The following CAMSAP1 variants were observed in gnomAD, a reference collection of about 807,000 sequenced individuals.
CAMSAP1 encodes the protein calmodulin regulated spectrin associated protein 1, also known as calmodulin-regulated spectrin-associated protein 1.
CAMSAP1 carries 58 observed loss-of-function variants against 143.5 expected under a neutral mutation model. That is an observed-to-expected ratio of 0.40 (90% CI 0.33 to 0.50). CAMSAP1 has a LOEUF of 0.50. Ranked by LOEUF, CAMSAP1 falls within the 20% of genes least tolerant of loss-of-function variation. The pLI, the probability that CAMSAP1 is intolerant of heterozygous loss-of-function variation, is 0.45. For missense variants in CAMSAP1, 1,969 were observed against 2,115.7 expected (o/e 0.93, Z 1.36); for synonymous variants, 945 against 859.3 (o/e 1.10, Z -1.74).
intron 7 of CAMSAP1, among the ~76,000 whole-genome samples, chr9:135,848,509 AC>A (rs1836657959): frequency 6.6e-6 from 1 of 151,682 alleles, no homozygotes; most frequent in Non-Finnish European, 1.5e-5. Context: ...CCCCAGACAC[AC>A]ACACACACAC....
chr9:135,854,882 G>A (rs1297380580), intron 5 of CAMSAP1, among the ~76,000 whole-genome samples: 4 of 152,136 alleles, frequency 2.6e-5, no homozygotes, highest in African/African-American at 9.7e-5. Context: ...ATTAAGTCCA[G>A]TACCCAACAG....
chr9:135,873,285 A>C (rs1485340167), intron 3 of CAMSAP1, among the ~76,000 whole-genome samples: 1 of 152,210 alleles, frequency 6.6e-6, no homozygotes, highest in East Asian at 1.9e-4. Flanking sequence ...AGAATGATGA[A>C]AGACATGGCC....
Position 135,882,677 on chromosome 9 carries a change from G to T in CAMSAP1, c.423+139C>A. Reference sequence around the variant, plus strand: ...TTTAAAAGATATGCAGTTTCCTAAGGAACGCCAGTGTGCAAAAGCACGGGT... The same window carrying T: ...TTTAAAAGATATGCAGTTTCCTAAGTAACGCCAGTGTGCAAAAGCACGGGT... On this transcript the variant is annotated intron_variant, in intron 2 of 16. Transcript: ENST00000389532. The surrounding 1 kb of genome is among the most constrained non-coding windows in gnomAD (Gnocchi z 4.9). 1.1e-6 allele frequency: 1 copy of T among 920,746 alleles called. No homozygotes were observed. Among genetic ancestry groups the T allele is most frequent in the Non-Finnish European group, 1.6e-6 (1 of 627,362 alleles). 57.0% of individuals were successfully genotyped at this position (920,746 alleles called of 1,614,324 possible).
intron 4 of CAMSAP1, among the ~76,000 whole-genome samples, chr9:135,865,822 G>A (rs957578567): frequency 6.6e-6 from 1 of 152,186 alleles, no homozygotes; most frequent in Non-Finnish European, 1.5e-5. Context: ...CCACTGGAGG[G>A]GGAAGAAGGA....
chr9:135,834,821 T>TG (rs1835965212), intron 7 of CAMSAP1, among the ~76,000 whole-genome samples: 1 of 152,222 alleles, frequency 6.6e-6, no homozygotes, highest in Admixed American at 6.5e-5. Context: ...AGCTTGACCC[T>TG]GGTAACCAGT....
chr9:135,811,782 T>C lies in CAMSAP1; in HGVS notation c.4507-171A>G, dbSNP rs1456001513. On this transcript the variant is annotated intron_variant, in intron 16 of 16. Transcript: ENST00000389532. The surrounding 1 kb of genome is among the most constrained non-coding windows in gnomAD (Gnocchi z 4.9). ...TACAGCAGACCCCTGTACGGGAGCA[T>C]TATATGCCATTGAGACTTTACTTAA... Among the ~76,000 whole-genome samples, 1 of 152,160 alleles carries C rather than the reference T, an allele frequency of 6.6e-6. No homozygotes were observed. The highest frequency in any genetic ancestry group is 2.4e-5 in the African/African-American group (1 of 41,430).
chr9:135,895,123 A>G (rs1838403548), intron 1 of CAMSAP1, among the ~76,000 whole-genome samples: 1 of 152,224 alleles, frequency 6.6e-6, no homozygotes, highest in Admixed American at 6.5e-5. Context: ...GAGAATAACA[A>G]AAGATCCAAG....
Position 135,819,672 on chromosome 9 carries a change from TAAAAA to T in CAMSAP1, c.3823-531_3823-527del, listed in dbSNP as rs55894826. On this transcript the variant is annotated intron_variant, in intron 11 of 16. Transcript: ENST00000389532. ...GACATGGCGAAACCCTGTCTCCACTTAAAAAAAAAAAAAAAAAAAAAAAAATTAGC... is the reference window on the plus strand; with the variant it reads ...GACATGGCGAAACCCTGTCTCCACTTAAAAAAAAAAAAAAAAAAAATTAGC... Among the ~76,000 whole-genome samples the T allele has an allele frequency of 1.5e-4, 16 of 104,630 alleles. No individual in the cohort carries two copies. In the East Asian group the frequency reaches 2.8e-3, roughly 18 times the overall value. 68.6% of individuals were successfully genotyped at this position (104,630 alleles called of 152,430 possible). A position where few individuals can be genotyped will look rare whatever the true frequency, so the allele number is the denominator to read the frequency against.
chr9:135,881,697 G>A lies in CAMSAP1; in HGVS notation c.521C>T (p.Thr174Met), dbSNP rs1187560194. Residue 174 changes from threonine (T) to methionine (M), a missense_variant, in exon 3 of 17, where the codon ACG (threonine) becomes ATG (methionine). This residue lies in a region of CAMSAP1 where 221 missense variants were observed against 298.2 expected (regional missense o/e 0.74). Transcript: ENST00000389532. ...KVVASVKRFS[T>M]FSASKELPYD... ...CGGAAGTTCTTTCGAGGCACTGAACGTTGAGAAGCGCTTGACACTGGCCAC... is the reference window on the plus strand; with the variant it reads ...CGGAAGTTCTTTCGAGGCACTGAACATTGAGAAGCGCTTGACACTGGCCAC... 21 of 1,551,712 alleles carry A rather than the reference G, an allele frequency of 1.4e-5. No homozygotes were observed. The highest frequency in any genetic ancestry group is 2.4e-5 in the South Asian group (2 of 84,072).
At chr9:135,883,138 C>T (rs909630898) in intron 1 of CAMSAP1, 60 bp from the exon 2 acceptor site, 13 of 1,530,574 alleles carry the variant, frequency 8.5e-6, no homozygotes, top group Non-Finnish European at 1.1e-5. Flanking sequence ...GGAAGGAGTT[C>T]AAGGCTGCAG....
chr9:135,866,772 G>A (rs1452063334), intron 3 of CAMSAP1, among the ~76,000 whole-genome samples: 2 of 151,978 alleles, frequency 1.3e-5, no homozygotes, highest in Admixed American at 6.5e-5. Context: ...CAATGCCAGC[G>A]CAGTGCTCCC....
chr9:135,898,657 A>T (rs2131023104), intron 1 of CAMSAP1, among the ~76,000 whole-genome samples: 1 of 152,328 alleles, frequency 6.6e-6, no homozygotes, highest in Middle Eastern at 3.4e-3. Flanking sequence ...TGCATACAAA[A>T]ACCACGGTGA....
chr9:135,845,323 C>T lies in CAMSAP1; in HGVS notation c.1045+4814G>A, dbSNP rs1836512688. 4.6e-5 allele frequency among the ~76,000 whole-genome samples: 7 copies of T among 152,188 alleles called. No homozygotes were observed. In the South Asian group the frequency reaches 1.4e-3, roughly 32 times the overall value. ...CCTTCGATAAAATTCAACACCCCTT[C>T]ATACTAAAAACTCTCAATAAACTAG... On this transcript the variant is annotated intron_variant, in intron 7 of 16. Coordinates refer to ENST00000389532, the MANE Select transcript of CAMSAP1 (RefSeq NM_015447.4).
At chr9:135,885,658 T>C (rs898053198) in intron 1 of CAMSAP1, among the ~76,000 whole-genome samples, 12 of 152,224 alleles carry the variant, frequency 7.9e-5, no homozygotes, top group Non-Finnish European at 2.9e-5. Flanking sequence ...ACGTTTGCCA[T>C]AGGGTGACCC....
rs1187915668 is a variant in CAMSAP1, at chr9:135,883,217, T to A, written c.161-139A>T. 26 of 856,192 alleles carry A rather than the reference T, an allele frequency of 3.0e-5. 1 individual carries two copies. In the South Asian group the frequency reaches 4.5e-4, roughly 15 times the overall value. The allele number at this position is 856,192 out of a possible 1,614,324, so 53.0% of individuals were successfully genotyped here. A position where few individuals can be genotyped will look rare whatever the true frequency, so the allele number is the denominator to read the frequency against. Reference sequence around the variant, plus strand: ...GGAGACCAAGTGTCAAAAAAAATAATTGATTGATTGATTAAATGAGCAACT... The same window carrying A: ...GGAGACCAAGTGTCAAAAAAAATAAATGATTGATTGATTAAATGAGCAACT... On this transcript the variant is annotated intron_variant, in intron 1 of 16. Coordinates refer to ENST00000389532, the MANE Select transcript of CAMSAP1 (RefSeq NM_015447.4).
intron 3 of CAMSAP1, among the ~76,000 whole-genome samples, chr9:135,868,459 T>TA (rs1356381669): frequency 6.6e-6 from 1 of 152,090 alleles, no homozygotes; most frequent in Non-Finnish European, 1.5e-5. Flanking sequence ...TGTTTTTTTT[T>TA]AAATGAATGT....
intron 7 of CAMSAP1, among the ~76,000 whole-genome samples, chr9:135,843,751 G>T (rs1183275395): frequency 6.6e-6 from 1 of 151,762 alleles, no homozygotes; most frequent in Non-Finnish European, 1.5e-5. Context: ...GCGGGCACCT[G>T]TAGTCCCAGC....
In CAMSAP1 at chr9:135,874,490, G is replaced by C. The variant is rs566028482; in HGVS notation, c.585+7143C>G. On this transcript the variant is annotated intron_variant, in intron 3 of 16. Transcript: ENST00000389532. Reference sequence around the variant, plus strand: ...CCTGTCTCAAAAAAGGGGGGGGGGGGCCACAGGGGCCGGGAACTCCTAATA... The same window carrying C: ...CCTGTCTCAAAAAAGGGGGGGGGGGCCCACAGGGGCCGGGAACTCCTAATA... 6.9e-4 allele frequency among the ~76,000 whole-genome samples: 82 copies of C among 119,270 alleles called. 5 individuals are homozygous for C. In the South Asian group the frequency reaches 0.015, roughly 21 times the overall value. The allele number at this position is 119,270 out of a possible 152,430, so 78.2% of individuals were successfully genotyped here.
intron 1 of CAMSAP1, among the ~76,000 whole-genome samples, chr9:135,902,383 T>C (rs1229791292): frequency 6.6e-6 from 1 of 152,232 alleles, no homozygotes; most frequent in Non-Finnish European, 1.5e-5. Context: ...CAACCACTGT[T>C]GCCCTCCTGC....
Sources: gnomAD v4.1 joint callset for allele counts (sites outside exome capture counted in the v4.1 genomes callset) on GRCh38, gnomAD v4.1.1 for gene constraint, gnomAD v4.1.1 regional missense constraint, Gnocchi (gnomAD v3.1) non-coding constraint, MANE v1.5 for transcripts, NCBI Gene and HGNC (gene_info 2026-07-23, HGNC 2026-07-21) for gene names.